GARS1: variants seen among roughly 807,000 people sequenced by gnomAD.
GARS1 encodes the protein glycine--tRNA ligase.
In GARS1, 46 loss-of-function variants were observed where a neutral mutation model predicts 86.4. The observed-to-expected ratio is 0.53, with a 90% confidence interval of 0.42 to 0.68. The LOEUF is 0.68. GARS1 is among the 30% of genes least tolerant of loss of function. The pLI is 0.00. For missense variants in GARS1, 797 were observed against 915.6 expected, an observed-to-expected ratio of 0.87 and a Z score of 1.67; for synonymous variants, 342 against 329.8, an observed-to-expected ratio of 1.04 and a Z score of -0.40.
chr7:30,599,115 A>G (rs1446329048), intron 2 of GARS1, among the ~76,000 whole-genome samples: 1 of 152,106 alleles, frequency 6.6e-6, no homozygotes, highest in African/African-American at 2.4e-5. Context: ...AGCCTTCCTG[A>G]CCCTGCAAAT....
intron 7 of GARS1, among the ~76,000 whole-genome samples, chr7:30,610,190 G>T (rs965954175): frequency 2.6e-5 from 4 of 152,232 alleles, no homozygotes; most frequent in African/African-American, 9.6e-5. Flanking sequence ...AATGGGTCCA[G>T]TTCTTCTGAG....
intron 14 of GARS1, among the ~76,000 whole-genome samples, chr7:30,630,921 A>G (rs1460274508): frequency 4.0e-5 from 6 of 151,856 alleles, no homozygotes; most frequent in South Asian, 2.1e-4. Flanking sequence ...GTTTTGTACT[A>G]TTTCTTTTGG....
At chr7:30,613,037 A>G (rs1782801822) in intron 8 of GARS1, among the ~76,000 whole-genome samples, 1 of 152,124 alleles carries the variant, frequency 6.6e-6, no homozygotes, top group Non-Finnish European at 1.5e-5. Flanking sequence ...TCCCAGCCCC[A>G]GCGCCCACCC....
At position 30,632,449 on chromosome 7, in the gene GARS1, T is replaced by C. The variant is rs1037172524; in HGVS notation, c.2094+12T>C. On this transcript the variant is annotated intron_variant, in intron 16 of 16. Transcript: ENST00000389266. This position sits in a 1 kb window ranked among gnomAD's most constrained non-coding sequence, Gnocchi z 4.1. ...AGATAAGAGCAGAGGTATCTGGCCT[T>C]CTCTTTGGCATTTTTAGCCTTAGAA... 6.8e-6 allele frequency: 11 copies of C among 1,613,858 alleles called. No homozygotes were observed. Among genetic ancestry groups the C allele is most frequent in the Non-Finnish European group, 9.3e-6 (11 of 1,179,854 alleles).
chr7:30,595,354 C>G (rs1791224672), intron 1 of GARS1, among the ~76,000 whole-genome samples: 2 of 152,236 alleles, frequency 1.3e-5, no homozygotes, highest in African/African-American at 4.8e-5. Context: ...CCGTCCTCCT[C>G]TCTTTTTGGA....
chr7:30,623,070 C>T (rs1783050104), intron 12 of GARS1, among the ~76,000 whole-genome samples: 1 of 141,256 alleles, frequency 7.1e-6, no homozygotes, highest in Non-Finnish European at 1.5e-5. Context: ...CACTGCACTC[C>T]AGCCTGGGCA....
Position 30,622,538 on chromosome 7 carries a change from T to G in GARS1, c.1613+76T>G, listed in dbSNP as rs918029806. 4 of 1,561,164 alleles carry G rather than the reference T, an allele frequency of 2.6e-6. No homozygotes were observed. The African/African-American group carries it at 4.1e-5, about 16-fold the overall frequency. ...CTGCCAGGTTCTGAAAGGATGAGAT[T>G]AATTTCTTAAGATTTTTTGCAGGTA... is the stretch of plus-strand genomic sequence containing the variant. On this transcript the variant is annotated intron_variant, in intron 12 of 16. Coordinates refer to ENST00000389266, the MANE Select transcript of GARS1 (RefSeq NM_002047.4).
At chr7:30,631,892 G>T (rs780751098) in intron 15 of GARS1, 5 of 388,464 alleles carry the variant, frequency 1.3e-5, no homozygotes, top group Non-Finnish European at 1.9e-5. Context: ...AAGGAATCCT[G>T]GTGGTCATCT....
chr7:30,632,195 T>A lies in GARS1; in HGVS notation c.1904-52T>A, dbSNP rs1783247176. 1 of 1,566,912 alleles carries A rather than the reference T, an allele frequency of 6.4e-7. No individual in the cohort carries two copies. The highest frequency in any genetic ancestry group is 1.4e-5 in the African/African-American group (1 of 73,838). ...TTGTAAGACAGTAGTTAGATAACAC[T>A]GGGCTTAACTCCATTGTTTTATTTT... On this transcript the variant is annotated intron_variant, in intron 15 of 16. Coordinates refer to ENST00000389266, the MANE Select transcript of GARS1 (RefSeq NM_002047.4). The surrounding 1 kb of genome is among the most constrained non-coding windows in gnomAD (Gnocchi z 4.1).
At chr7:30,614,871 CAAAA>C (rs60532382) in intron 8 of GARS1, among the ~76,000 whole-genome samples, 2 of 81,558 alleles carry the variant, frequency 2.5e-5, no homozygotes. Flanking sequence ...GACTCCGTCT[CAAAA>C]AAAAAAAAAA....
chr7:30,602,028 C>G (rs867611156), intron 4 of GARS1, among the ~76,000 whole-genome samples: 1 of 147,676 alleles, frequency 6.8e-6, no homozygotes, highest in African/African-American at 2.5e-5. Context: ...GTGATCCGCC[C>G]GCCTCGGCCT....
In GARS1 at chr7:30,621,322, A is replaced by C. The variant is rs10951271; in HGVS notation, c.1360-71A>C. The stretch of plus-strand genomic sequence containing the variant: ...AATATATGAAAGGTTTATAATCTGC[A>C]TGCATTTGTGAATGAACCCAATATA... On this transcript the variant is annotated intron_variant, in intron 10 of 16. Transcript: ENST00000389266. 0.45 allele frequency: 519,371 copies of C among 1,164,324 alleles called. 123,143 individuals carry two copies. Among genetic ancestry groups the C allele is most frequent in the Non-Finnish European group, 0.49 (379,488 of 772,036 alleles). The allele number at this position is 1,164,324 out of a possible 1,614,324, so 72.1% of individuals were successfully genotyped here.
chr7:30,604,813 C>T (rs555115016), intron 6 of GARS1, among the ~76,000 whole-genome samples: 1 of 152,310 alleles, frequency 6.6e-6, no homozygotes, highest in South Asian at 2.1e-4. Context: ...TGGAAAATGC[C>T]TCTAAGTATC....
intron 6 of GARS1, among the ~76,000 whole-genome samples, chr7:30,604,302 A>G (rs577498662): frequency 6.6e-6 from 1 of 152,302 alleles, no homozygotes; most frequent in East Asian, 1.9e-4. Context: ...CCGTTTAGGC[A>G]AAGTACATTT....
Position 30,594,897 on chromosome 7 carries a change from C to T in GARS1, c.-25C>T, listed in dbSNP as rs1468677060. 6 of 1,535,548 alleles carry T rather than the reference C, an allele frequency of 3.9e-6. No homozygotes were observed. The highest frequency in any genetic ancestry group is 1.2e-5 in the South Asian group (1 of 84,218). On this transcript the variant is annotated 5_prime_UTR_variant, in exon 1 of 17. Transcript: ENST00000389266. ...CGCGCCGCTTCCGTCGCCACCCTCT[C>T]TGGACAGCCCAGGGCCGCAGGCTCA...
At chr7:30,594,865 G>A (rs986033444), upstream of GARS1, 2 of 1,425,108 alleles carry the variant, frequency 1.4e-6, no homozygotes, top group East Asian at 2.5e-5. Flanking sequence ...CTCCGAGCCG[G>A]GCGGCGCGCG....
chr7:30,617,258 G>A lies in GARS1; in HGVS notation c.1339G>A (p.Ala447Thr). The A allele has an allele frequency of 6.2e-7, 1 of 1,613,946 alleles. No individual in the cohort carries two copies. The highest frequency in any genetic ancestry group is 8.5e-7 in the Non-Finnish European group (1 of 1,179,848). The change falls in exon 10 of 17, where the codon GCA (alanine) becomes ACA (threonine). Residue 447 changes from alanine to threonine, a missense_variant. This residue lies in a region of GARS1 where 598 missense variants were observed against 738.7 expected (regional missense o/e 0.81). Coordinates refer to ENST00000389266, the MANE Select transcript of GARS1 (RefSeq NM_002047.4). ...CCATTATGCCTGTGACTGTTGGGAT[G>A]CAGAATCCAAAACATCCTACGTAAG... ...MAHYACDCWD[A>T]ESKTSYGWIE...
At chr7:30,597,786 A>G (rs763628178) in intron 1 of GARS1, among the ~76,000 whole-genome samples, 1 of 152,266 alleles carries the variant, frequency 6.6e-6, no homozygotes, top group African/African-American at 2.4e-5. Flanking sequence ...AATGAAGCAC[A>G]TATTGTATGG....
rs773436536 is a variant in GARS1 at position 30,615,876 on chromosome 7, G to A, written c.1032-20G>A. The A allele has an allele frequency of 5.6e-6, 9 of 1,613,586 alleles. No individual in the cohort carries two copies. Among genetic ancestry groups the A allele is most frequent in the East Asian group, 4.5e-5 (2 of 44,888 alleles). Reference sequence around the variant, plus strand: ...TTGTAGTTAAATATGCAGGTTTATCGCTTACGTTTTTGCTTTCAGAGAATT... The same window carrying A: ...TTGTAGTTAAATATGCAGGTTTATCACTTACGTTTTTGCTTTCAGAGAATT... On this transcript the variant is annotated intron_variant, in intron 8 of 16. Coordinates refer to ENST00000389266, the MANE Select transcript of GARS1 (RefSeq NM_002047.4).
Sources: allele counts gnomAD v4.1 joint callset (sites outside exome capture counted in the v4.1 genomes callset), GRCh38; gene constraint gnomAD v4.1.1; regional missense constraint gnomAD v4.1.1; non-coding constraint Gnocchi (gnomAD v3.1); transcripts MANE v1.5; gene names NCBI Gene and HGNC (gene_info 2026-07-23, HGNC 2026-07-21).